The following ITGA8 variants were observed in gnomAD, a reference collection of about 807,000 sequenced individuals.
ITGA8 encodes the protein integrin subunit alpha 8.
ITGA8 carries 91 observed loss-of-function variants against 142.3 expected under a neutral mutation model. That is an observed-to-expected ratio of 0.64 (90% CI 0.54 to 0.76). ITGA8 has a LOEUF of 0.76. Among genes scored for constraint, ITGA8 ranks in the 30% least tolerant of loss-of-function variants. ITGA8 has a pLI of 0.00. For synonymous variants in ITGA8, 505 were observed against 485.2 expected, an observed-to-expected ratio of 1.04 and a Z score of -0.54; for missense variants, 1,406 against 1,327.7, an observed-to-expected ratio of 1.06 and a Z score of -0.92.
chr10:15,658,862 C>T (rs1461624507), intron 10 of ITGA8, 137 bp downstream of exon 10: 2 of 617,444 alleles, frequency 3.2e-6, no homozygotes, highest in African/African-American at 2.0e-5. Context: ...GATTGCATCC[C>T]CGGTGCCTAG....
Position 15,515,224 on chromosome 10 carries a change from C to A in ITGA8, c.*1934G>T, listed in dbSNP as rs1316165728. 2 of 152,168 alleles carry A rather than the reference C, an allele frequency of 1.3e-5. No individual in the cohort carries two copies. The highest frequency in any genetic ancestry group is 2.9e-5 in the Non-Finnish European group (2 of 68,070). 9.4% of individuals were successfully genotyped at this position (152,168 alleles called of 1,614,324 possible). On this transcript the variant is annotated 3_prime_UTR_variant, in exon 30 of 30. Coordinates refer to ENST00000378076, the MANE Select transcript of ITGA8 (RefSeq NM_003638.3). ...ACCTGGAAGACTAACACCAAAGACC[C>A]CCAGAGGCTGGTGTGGACACCCCTT...
chr10:15,575,071 A>G (rs1401702608), intron 24 of ITGA8, among the ~76,000 whole-genome samples: 1 of 152,172 alleles, frequency 6.6e-6, no homozygotes, highest in Non-Finnish European at 1.5e-5. Context: ...TAACAGCATG[A>G]ACCTAGGCAG....
At chr10:15,536,434 G>T (rs1021703425) in intron 27 of ITGA8, among the ~76,000 whole-genome samples, 4 of 152,182 alleles carry the variant, frequency 2.6e-5, no homozygotes, top group African/African-American at 4.8e-5. Context: ...TGGCACAGGT[G>T]AGTATTTAAT....
chr10:15,534,869 C>T (rs1188687427), intron 27 of ITGA8, among the ~76,000 whole-genome samples: 2 of 152,196 alleles, frequency 1.3e-5, no homozygotes, highest in Non-Finnish European at 2.9e-5. Flanking sequence ...ACTTTGGCGG[C>T]ACTTGAGGAG....
At chr10:15,645,451 G>A (rs764999139) in intron 12 of ITGA8, among the ~76,000 whole-genome samples, 13 of 152,144 alleles carry the variant, frequency 8.5e-5, no homozygotes, top group Admixed American at 8.5e-4. Flanking sequence ...TATTTTACTT[G>A]AGTGATCAGG....
At chr10:15,544,077 T>C (rs187121755) in intron 27 of ITGA8, among the ~76,000 whole-genome samples, 2 of 152,144 alleles carry the variant, frequency 1.3e-5, no homozygotes, top group Non-Finnish European at 2.9e-5. Context: ...GGAGGATCAC[T>C]GGAAGCCAGG....
chr10:15,660,466 A>G lies in ITGA8; in HGVS notation c.891+413T>C, dbSNP rs538757420. On this transcript the variant is annotated intron_variant, in intron 9 of 29. Transcript: ENST00000378076. ...ACCCCTTCATAAAGGAAGTTTTAAA[A>G]GACTTAAAATTTGCATAAAATGAAA... 6.6e-5 allele frequency among the ~76,000 whole-genome samples: 10 copies of G among 152,382 alleles called. 1 individual carries two copies. In the South Asian group the frequency reaches 1.7e-3, roughly 25 times the overall value.
At chr10:15,676,166 G>A (rs1330619691) in intron 6 of ITGA8, among the ~76,000 whole-genome samples, 1 of 151,790 alleles carries the variant, frequency 6.6e-6, no homozygotes, top group Admixed American at 6.6e-5. Flanking sequence ...CTGCCCTCCT[G>A]CCTCCCACAG....
rs2131541734 is a variant in ITGA8 at position 15,531,087 on chromosome 10, G to T, written c.2945C>A (p.Thr982Lys). 6.3e-7 allele frequency: 1 copy of T among 1,586,388 alleles called. No homozygotes were observed. The highest frequency in any genetic ancestry group is 8.6e-7 in the Non-Finnish European group (1 of 1,168,898). ...TTCTGGGAGTTTTGCTGGCTGATCT[G>T]TATAAGGCATCTTCTTAACTTCAAA... is the stretch of plus-strand genomic sequence containing the variant. ...VSFEVKKMPY[T>K]DQPAKLPEGS... Residue 982 changes from threonine (T) to lysine (K), a missense_variant, in exon 28 of 30, where the codon ACA becomes AAA. Transcript: ENST00000378076.
rs567896230 is a variant in ITGA8 at position 15,630,369 on chromosome 10, C to T, written c.1399+13661G>A. 1.2e-3 allele frequency among the ~76,000 whole-genome samples: 185 copies of T among 152,128 alleles called. 4 individuals carry two copies. Among genetic ancestry groups the T allele is most frequent in the African/African-American group, 4.1e-3 (170 of 41,396 alleles). On this transcript the variant is annotated intron_variant, in intron 13 of 29. Coordinates refer to ENST00000378076, the MANE Select transcript of ITGA8 (RefSeq NM_003638.3). Reference sequence around the variant, plus strand: ...ATTCAATTATTCACTTAACAAATATCGACAAGTTGCCTTTTGTGCCAGCCG... The same window carrying T: ...ATTCAATTATTCACTTAACAAATATTGACAAGTTGCCTTTTGTGCCAGCCG...
At chr10:15,560,684 T>C (rs1194645839) in intron 25 of ITGA8, among the ~76,000 whole-genome samples, 1 of 152,166 alleles carries the variant, frequency 6.6e-6, no homozygotes, top group Non-Finnish European at 1.5e-5. Context: ...AGATACAAGA[T>C]ATTAGTAAGG....
At chr10:15,557,862 C>T (rs1227855313) in intron 26 of ITGA8, among the ~76,000 whole-genome samples, 2 of 152,210 alleles carry the variant, frequency 1.3e-5, no homozygotes, top group Non-Finnish European at 2.9e-5. Flanking sequence ...TCCATGGCAG[C>T]TTTAGAAAAG....
intron 2 of ITGA8, among the ~76,000 whole-genome samples, chr10:15,712,001 T>A (rs188575153): frequency 2.0e-5 from 3 of 152,340 alleles, no homozygotes; most frequent in African/African-American, 7.2e-5. Context: ...GTATCAGATG[T>A]ATTTGGTTTT....
intron 27 of ITGA8, among the ~76,000 whole-genome samples, chr10:15,532,726 A>G (rs998040149): frequency 1.6e-5 from 2 of 124,072 alleles, no homozygotes; most frequent in African/African-American, 6.4e-5. Context: ...ATGGCTCTTG[A>G]GACCCAAGTG....
At chr10:15,539,512 T>C (rs186293285) in intron 27 of ITGA8, among the ~76,000 whole-genome samples, 2 of 152,252 alleles carry the variant, frequency 1.3e-5, no homozygotes, top group East Asian at 1.9e-4. Context: ...CTGCGGGTCA[T>C]TATTTTGGGC....
chr10:15,521,611 A>G lies in ITGA8; in HGVS notation c.2983-2199T>C, dbSNP rs542098238. Reference sequence around the variant, plus strand: ...CTGGCCTCAACCTAGTCATCATTACATTTTCTTCCTATGCCTGTTAACTTT... The same window carrying G: ...CTGGCCTCAACCTAGTCATCATTACGTTTTCTTCCTATGCCTGTTAACTTT... On this transcript the variant is annotated intron_variant, in intron 28 of 29. Transcript: ENST00000378076. Among the ~76,000 whole-genome samples the G allele has an allele frequency of 1.6e-4, 24 of 152,076 alleles. No individual in the cohort carries two copies. In the South Asian group the frequency reaches 4.1e-3, roughly 26 times the overall value.
At chr10:15,626,301 A>G (rs1036510039) in intron 13 of ITGA8, among the ~76,000 whole-genome samples, 3 of 151,994 alleles carry the variant, frequency 2.0e-5, no homozygotes, top group African/African-American at 7.3e-5. Flanking sequence ...GGCTCACTGC[A>G]ACCTCTCCTC....
intron 11 of ITGA8, 124 bp downstream of exon 11, chr10:15,655,230 T>G (rs926586795): frequency 5.2e-6 from 3 of 579,086 alleles, no homozygotes; most frequent in Admixed American, 3.3e-5. Context: ...ACCAAAAAAG[T>G]TGAGAACAAG....
At chr10:15,560,165 G>C (rs956946541) in intron 25 of ITGA8, among the ~76,000 whole-genome samples, 1 of 152,050 alleles carries the variant, frequency 6.6e-6, no homozygotes, top group Non-Finnish European at 1.5e-5. Context: ...TGTAGTCCCA[G>C]ATACTTGGGA....
Sources: allele counts gnomAD v4.1 joint callset (sites outside exome capture counted in the v4.1 genomes callset), GRCh38; gene constraint gnomAD v4.1.1; transcripts MANE v1.5; gene names NCBI Gene and HGNC (gene_info 2026-07-23, HGNC 2026-07-21).